The following APBB2 variants were observed in gnomAD, a reference collection of about 807,000 sequenced individuals.
APBB2 encodes amyloid beta precursor protein binding family B member 2, also known as Fe65-like 1.
In APBB2, 38 loss-of-function variants were observed where a neutral mutation model predicts 82.5. The observed-to-expected ratio is 0.46, with a 90% CI of 0.36 to 0.60. The LOEUF is 0.60. Ranked by LOEUF, APBB2 falls within the 20% of genes least tolerant of loss-of-function variation. The pLI, the probability that APBB2 is intolerant of heterozygous loss-of-function variation, is 0.00. For synonymous variants in APBB2, 341 were observed against 368.2 expected (o/e 0.93, Z 0.85); for missense variants, 772 against 972.3 (o/e 0.79, Z 2.74).
chr4:40,944,163 T>C (rs1247341884), intron 7 of APBB2, among the ~76,000 whole-genome samples: 5 of 152,356 alleles, frequency 3.3e-5, no homozygotes, highest in Middle Eastern at 3.4e-3. Context: ...CATTACTTAA[T>C]TGTGACCTTC....
rs566477278 is a variant in APBB2, at chr4:40,887,455, C to T, written c.1529+2909G>A. ...GAGAATGTGAAATGGGCTTCTTTTT[C>T]GCAAGCAAAAATGTTTTATTCATGC... is the stretch of plus-strand genomic sequence containing the variant. On this transcript the variant is annotated intron_variant, in intron 12 of 17. Transcript: ENST00000508593. 2.0e-5 allele frequency among the ~76,000 whole-genome samples: 3 copies of T among 152,086 alleles called. 1 individual carries two copies. Among genetic ancestry groups the T allele is most frequent in the African/African-American group, 4.8e-5 (2 of 41,504 alleles).
intron 1 of APBB2, among the ~76,000 whole-genome samples, chr4:41,172,617 C>T (rs987582810): frequency 6.6e-6 from 1 of 152,248 alleles, no homozygotes; most frequent in Non-Finnish European, 1.5e-5. Flanking sequence ...TGGTACAGTA[C>T]TTTGCACTTC....
rs114941749 is a variant in APBB2 at position 40,940,614 on chromosome 4, C to T, written c.1044+4251G>A. 4.8e-3 allele frequency among the ~76,000 whole-genome samples: 731 copies of T among 152,294 alleles called. 4 individuals carry two copies. Among genetic ancestry groups the T allele is most frequent in the African/African-American group, 0.016 (677 of 41,570 alleles). On this transcript the variant is annotated intron_variant, in intron 7 of 17. Transcript: ENST00000508593. The stretch of plus-strand genomic sequence containing the variant: ...TTAAGGTATTCCACTGGGCACCCTC[C>T]TGGGGGGGTTAGGCTCTCATGACGC...
intron 6 of APBB2, among the ~76,000 whole-genome samples, chr4:40,966,957 C>A (rs1328243160): frequency 6.6e-6 from 1 of 152,170 alleles, no homozygotes; most frequent in African/African-American, 2.4e-5. Flanking sequence ...GTTCCATGGA[C>A]CAGGGTGAGA....
chr4:40,820,613 T>C (rs1304486622), intron 17 of APBB2, among the ~76,000 whole-genome samples: 15 of 151,960 alleles, frequency 9.9e-5, no homozygotes, highest in Non-Finnish European at 1.9e-4. Context: ...TGCAGTGAGC[T>C]GAGATCGCGC....
At chr4:40,847,808 CTTT>C (rs530566684) in intron 12 of APBB2, among the ~76,000 whole-genome samples, 3 of 141,248 alleles carry the variant, frequency 2.1e-5, no homozygotes, top group Admixed American at 7.1e-5. Context: ...TTTTTGCTTG[CTTT>C]TTTTTTTTTT....
At chr4:41,146,934 G>A (rs193264372) in intron 1 of APBB2, among the ~76,000 whole-genome samples, 72 of 152,274 alleles carry the variant, frequency 4.7e-4, no homozygotes, top group African/African-American at 1.7e-3. Flanking sequence ...GCTCTGTCCC[G>A]CCTCAACTGA....
intron 12 of APBB2, chr4:40,880,917 A>G (rs1377807662): frequency 1.0e-6 from 1 of 982,858 alleles, no homozygotes; most frequent in Non-Finnish European, 1.2e-6. Context: ...TGTCGCCTTC[A>G]TAGATTCATG....
intron 6 of APBB2, among the ~76,000 whole-genome samples, chr4:40,982,400 G>GGAAAGAAAGAAAGAAAGAAA (rs1291191407): frequency 1.5e-3 from 24 of 16,042 alleles, no homozygotes; most frequent in South Asian, 2.4e-3. Flanking sequence ...GGAAAGGAAA[G>GGAAAGAAAGAAAGAAAGAAA]GAAAGAAAGA....
At position 40,844,461 on chromosome 4, in the gene APBB2, C is replaced by T. The variant is rs144450676; in HGVS notation, c.1530-13884G>A. Among the ~76,000 whole-genome samples, 611 of 152,328 alleles carry T rather than the reference C, an allele frequency of 4.0e-3. 4 individuals carry two copies. The highest frequency in any genetic ancestry group is 0.014 in the African/African-American group (577 of 41,584). ...CTATTATCACTGTGTCATCCAATAG[C>T]TTCATCTCTTCGGCTGGGTTGTGCT... is the stretch of plus-strand genomic sequence containing the variant. On this transcript the variant is annotated intron_variant, in intron 12 of 17. Coordinates refer to ENST00000508593, the MANE Select transcript of APBB2 (RefSeq NM_004307.2).
chr4:40,860,602 A>G (rs1762525765), intron 12 of APBB2, among the ~76,000 whole-genome samples: 1 of 152,164 alleles, frequency 6.6e-6, no homozygotes. Context: ...CCATGAGCAT[A>G]ATCACAGCCC....
intron 10 of APBB2, among the ~76,000 whole-genome samples, chr4:40,902,885 A>G (rs2154357969): frequency 6.6e-6 from 1 of 152,338 alleles, no homozygotes; most frequent in African/African-American, 2.4e-5. Context: ...TCATGCCTGT[A>G]ATCCCAACTA....
intron 4 of APBB2, among the ~76,000 whole-genome samples, chr4:41,057,428 G>C (rs1728217743): frequency 6.6e-6 from 1 of 152,212 alleles, no homozygotes; most frequent in African/African-American, 2.4e-5. Flanking sequence ...TCCAGCCTGG[G>C]CAACAAGAGT....
chr4:40,928,428 A>ATAC, intron 10 of APBB2, among the ~76,000 whole-genome samples: 1 of 54,160 alleles, frequency 1.8e-5, no homozygotes, highest in East Asian at 5.0e-4. Flanking sequence ...ACACACACAC[A>ATAC]ATCAGCCAGG....
At chr4:41,035,009 G>A (rs888102417) in intron 4 of APBB2, among the ~76,000 whole-genome samples, 5 of 152,256 alleles carry the variant, frequency 3.3e-5, no homozygotes, top group Admixed American at 1.3e-4. Context: ...ATGGGGGTGG[G>A]GTAGGGAAGA....
At chr4:41,160,401 G>C (rs1210001617) in intron 1 of APBB2, among the ~76,000 whole-genome samples, 1 of 152,168 alleles carries the variant, frequency 6.6e-6, no homozygotes, top group Admixed American at 6.5e-5. Context: ...AGATAAACCA[G>C]ACGCAGGGAA....
chr4:41,178,646 C>T (rs2154060104), intron 1 of APBB2, among the ~76,000 whole-genome samples: 1 of 152,254 alleles, frequency 6.6e-6, no homozygotes, highest in Middle Eastern at 3.4e-3. Flanking sequence ...TATGGATGTC[C>T]CTTGAGGGTC....
chr4:41,064,491 G>A (rs182410486), intron 4 of APBB2, among the ~76,000 whole-genome samples: 3 of 152,204 alleles, frequency 2.0e-5, no homozygotes, highest in Admixed American at 6.5e-5. Flanking sequence ...AATTCCACAG[G>A]TTCCAAAGGA....
chr4:40,983,074 T>A (rs12498883), intron 6 of APBB2, among the ~76,000 whole-genome samples: 3 of 152,092 alleles, frequency 2.0e-5, no homozygotes, highest in African/African-American at 4.8e-5. Flanking sequence ...TATTGAGCAC[T>A]TACCATGAAT....
Sources: gnomAD v4.1 joint callset for allele counts (sites outside exome capture counted in the v4.1 genomes callset) on GRCh38, gnomAD v4.1.1 for gene constraint, MANE v1.5 for transcripts, NCBI Gene and HGNC (gene_info 2026-07-23, HGNC 2026-07-21) for gene names.